RANBP10: variants seen among roughly 807,000 people sequenced by gnomAD.
RANBP10 encodes RAN binding protein 10.
In RANBP10, 24 loss-of-function variants were observed where a neutral mutation model predicts 72.8. The observed-to-expected ratio is 0.33, with a 90% CI of 0.24 to 0.46. The LOEUF (loss-of-function observed/expected upper bound fraction) is 0.46, where lower values mean the gene tolerates loss of function less well. Ranked by LOEUF, RANBP10 falls within the 20% of genes least tolerant of loss-of-function variation. The probability of loss-of-function intolerance (pLI) is 1.00; values close to 1 mark genes in which losing one functional copy is unlikely to be tolerated. For synonymous variants in RANBP10, 310 were observed against 322.3 expected (o/e 0.96, Z 0.41); for missense variants, 679 against 817.5 (o/e 0.83, Z 2.07).
At chr16:67,727,477 A>G (rs1327425467) in intron 12 of RANBP10, 39 bp from the exon 13 acceptor site, 3 of 1,556,642 alleles carry the variant, frequency 1.9e-6, no homozygotes, top group African/African-American at 2.7e-5. Context: ...TGTGGCACAC[A>G]CCATAGCTCA....
Position 67,763,672 on chromosome 16 carries a change from AC to A in RANBP10, c.400+8361del, listed in dbSNP as rs201645977. ...GAGTCCTGTCCCTACCACCCCCATA[AC>A]CCACTTCACTCAGGTATCTGATTAT... On this transcript the variant is annotated intron_variant, in intron 3 of 13. Coordinates refer to ENST00000317506, the MANE Select transcript of RANBP10 (RefSeq NM_020850.3). Among the ~76,000 whole-genome samples the A allele has an allele frequency of 5.3e-4, 43 of 81,760 alleles. 1 individual carries two copies. The highest frequency in any genetic ancestry group is 1.3e-3 in the Admixed American group (12 of 8,992). The allele number at this position is 81,760 out of a possible 152,430, so 53.6% of individuals were successfully genotyped here. A position where few individuals can be genotyped will look rare whatever the true frequency, so the allele number is the denominator to read the frequency against.
chr16:67,758,191 T>C (rs140762356), intron 3 of RANBP10, among the ~76,000 whole-genome samples: 4,894 of 152,302 alleles, frequency 0.032, 80 homozygotes, highest in South Asian at 0.055. Context: ...GGATAGGACA[T>C]GGCTCAGATG....
intron 3 of RANBP10, among the ~76,000 whole-genome samples, chr16:67,758,157 G>A (rs1007217902): frequency 2.0e-5 from 3 of 152,348 alleles, no homozygotes; most frequent in African/African-American, 4.8e-5. Context: ...GCCCAGGGGG[G>A]CCAGGCTGGG....
intron 3 of RANBP10, among the ~76,000 whole-genome samples, chr16:67,754,566 A>G (rs954835272): frequency 6.6e-6 from 1 of 152,210 alleles, no homozygotes; most frequent in Non-Finnish European, 1.5e-5. Context: ...GAAGTTGTAC[A>G]GTGGAGAGGA....
At chr16:67,772,282 C>T (rs538773239) in intron 2 of RANBP10, among the ~76,000 whole-genome samples, 196 bp from the exon 3 acceptor site, 60 of 152,200 alleles carry the variant, frequency 3.9e-4, no homozygotes, top group Middle Eastern at 3.4e-3. Context: ...AGTGCCTCAC[C>T]CAGCTAGAGA....
chr16:67,750,790 G>A (rs1236657756), intron 3 of RANBP10, among the ~76,000 whole-genome samples: 5 of 121,212 alleles, frequency 4.1e-5, no homozygotes, highest in Non-Finnish European at 8.1e-5. Context: ...TTTTTGAGAC[G>A]TAGTCTCACT....
intron 2 of RANBP10, among the ~76,000 whole-genome samples, chr16:67,775,761 G>A (rs2054692291): frequency 6.9e-6 from 1 of 144,036 alleles, no homozygotes; most frequent in South Asian, 2.2e-4. Flanking sequence ...GCAAGATTGT[G>A]CCACTGGGTG....
rs577497670 is a variant in RANBP10 at position 67,771,407 on chromosome 16, G to A, written c.400+627C>T. On this transcript the variant is annotated intron_variant, in intron 3 of 13. Coordinates refer to ENST00000317506, the MANE Select transcript of RANBP10 (RefSeq NM_020850.3). ...GTTGCTCAGGCTGGAGTGCAGTGGC[G>A]CAATCTCAGCTCACTGCAACCTCCA... 3.7e-3 allele frequency among the ~76,000 whole-genome samples: 556 copies of A among 151,630 alleles called. 4 individuals are homozygous for A. The highest frequency in any genetic ancestry group is 0.018 in the South Asian group (85 of 4,806).
intron 5 of RANBP10, among the ~76,000 whole-genome samples, 198 bp downstream of exon 5, chr16:67,737,815 G>A (rs2053884048): frequency 6.6e-6 from 1 of 152,118 alleles, no homozygotes; most frequent in African/African-American, 2.4e-5. Context: ...AAGAGTCGTA[G>A]GAAGACCAGA....
chr16:67,737,491 C>T (rs991750943), intron 5 of RANBP10, among the ~76,000 whole-genome samples: 2 of 151,470 alleles, frequency 1.3e-5, no homozygotes, highest in African/African-American at 4.9e-5. Flanking sequence ...TGTGAGCCAC[C>T]GCACCCGGCC....
chr16:67,759,279 G>A (rs990310512), intron 3 of RANBP10, among the ~76,000 whole-genome samples: 2 of 152,224 alleles, frequency 1.3e-5, no homozygotes, highest in African/African-American at 4.8e-5. Context: ...GGCAGAGAGG[G>A]GCAAGGCAGC....
At chr16:67,753,877 G>A (rs1412882556) in intron 3 of RANBP10, among the ~76,000 whole-genome samples, 1 of 152,176 alleles carries the variant, frequency 6.6e-6, no homozygotes, top group Non-Finnish European at 1.5e-5. Flanking sequence ...GCTCATGCCT[G>A]TGATCCCAGC....
Position 67,805,025 on chromosome 16 carries a change from G to A in RANBP10, c.347+403C>T, listed in dbSNP as rs561969659. On this transcript the variant is annotated intron_variant, in intron 2 of 13. Transcript: ENST00000317506. ...GCAAAGACTCTACTATCTCTTTGAA[G>A]GCTACCAGGGCCTCCACATGACTAA... 3.9e-5 allele frequency among the ~76,000 whole-genome samples: 6 copies of A among 152,204 alleles called. No individual in the cohort carries two copies. In the East Asian group the frequency reaches 1.2e-3, roughly 29 times the overall value.
At chr16:67,778,329 C>A (rs993085042) in intron 2 of RANBP10, among the ~76,000 whole-genome samples, 1 of 151,670 alleles carries the variant, frequency 6.6e-6, no homozygotes, top group African/African-American at 2.4e-5. Flanking sequence ...AGCCCAGGCA[C>A]CAAGAGCGAA....
Position 67,724,838 on chromosome 16 carries a change from CA to C in RANBP10, c.*1589del, listed in dbSNP as rs1249622559. The C allele has an allele frequency of 6.6e-6, 1 of 152,286 alleles. No individual in the cohort carries two copies. Among genetic ancestry groups the C allele is most frequent in the African/African-American group, 2.4e-5 (1 of 41,456 alleles). 9.4% of individuals were successfully genotyped at this position (152,286 alleles called of 1,614,324 possible). A position where few individuals can be genotyped will look rare whatever the true frequency, so the allele number is the denominator to read the frequency against. ...CAGATTCAGGCAGGGACTGAAAGTT[CA>C]ACTTCCGGCCTTGCCATGGCTGACC... On this transcript the variant is annotated 3_prime_UTR_variant, in exon 14 of 14. Transcript: ENST00000317506.
chr16:67,789,236 G>C (rs948295354), intron 2 of RANBP10, among the ~76,000 whole-genome samples: 1 of 147,498 alleles, frequency 6.8e-6, no homozygotes, highest in African/African-American at 2.5e-5. Context: ...CTTGAACCTG[G>C]GAGGTAGAGG....
At chr16:67,763,853 C>T (rs187863080) in intron 3 of RANBP10, among the ~76,000 whole-genome samples, 1 of 152,166 alleles carries the variant, frequency 6.6e-6, no homozygotes, top group African/African-American at 2.4e-5. Flanking sequence ...CGCCACCACG[C>T]CCGGCTAATT....
At chr16:67,728,667 T>TA in intron 10 of RANBP10, 156 bp from the exon 11 acceptor site, 2 of 1,391,650 alleles carry the variant, frequency 1.4e-6, no homozygotes, top group Non-Finnish European at 1.9e-6. Context: ...TCTTCAGCAC[T>TA]TGGCCCCTAC....
At chr16:67,727,198 C>T (rs2053618575) in intron 13 of RANBP10, 129 bp downstream of exon 13, 1 of 818,476 alleles carries the variant, frequency 1.2e-6, no homozygotes, top group African/African-American at 1.7e-5. Flanking sequence ...GAGGCTGAGG[C>T]ACGAAAATTG....
Sources: gnomAD v4.1 joint callset for allele counts (sites outside exome capture counted in the v4.1 genomes callset) on GRCh38, gnomAD v4.1.1 for gene constraint, MANE v1.5 for transcripts, NCBI Gene and HGNC (gene_info 2026-07-23, HGNC 2026-07-21) for gene names.